IL1RAPL2: variants seen among roughly 807,000 people sequenced by gnomAD.
IL1RAPL2 encodes interleukin 1 receptor accessory protein like 2.
A neutral mutation model predicts 44.1 loss-of-function variants in IL1RAPL2; 3 were observed. That is an observed-to-expected ratio of 0.07 (90% CI 0.03 to 0.18). The LOEUF is 0.18. IL1RAPL2 is among the 10% of genes least tolerant of loss of function. The probability of loss-of-function intolerance (pLI) is 1.00; values close to 1 mark genes in which losing one functional copy is unlikely to be tolerated. For missense variants in IL1RAPL2, 391 were observed against 496.4 expected, an observed-to-expected ratio of 0.79 and a Z score of 2.02; for synonymous variants, 181 against 178.8, an observed-to-expected ratio of 1.01 and a Z score of -0.10.
intron 1 of IL1RAPL2, among the ~76,000 whole-genome samples, chrX:104,605,824 T>C (rs1475207791): frequency 8.9e-6 from 1 of 111,791 alleles, no homozygotes; most frequent in Admixed American, 9.5e-5. Flanking sequence ...GAGGCAGCAA[T>C]TAATAGCCTA....
intron 2 of IL1RAPL2, among the ~76,000 whole-genome samples, chrX:104,727,250 A>C (rs1042335598): frequency 1.8e-5 from 2 of 111,209 alleles, no homozygotes; most frequent in African/African-American, 6.5e-5. Context: ...TAACAACAAC[A>C]AAAACAGCCC....
chrX:105,651,035 C>T lies in IL1RAPL2; in HGVS notation c.773-66332C>T, dbSNP rs183030170. Among the ~76,000 whole-genome samples, 7 of 111,786 alleles carry T rather than the reference C, an allele frequency of 6.3e-5. No individual in the cohort carries two copies. The Admixed American group carries it at 6.6e-4, about 11-fold the overall frequency. On this transcript the variant is annotated intron_variant, in intron 6 of 10. Transcript: ENST00000372582. ...ATATTCTTGGCCTTAGGAACCTAGG[C>T]GGATATATGCTCTTTTTTAAAACAG...
intron 2 of IL1RAPL2, among the ~76,000 whole-genome samples, chrX:105,082,052 A>G (rs2032415994): frequency 8.9e-6 from 1 of 111,852 alleles, no homozygotes; most frequent in Non-Finnish European, 1.9e-5. Context: ...AAGAAATGGT[A>G]CCAGCTCCTC....
In IL1RAPL2 at chrX:104,691,722, C is replaced by CGAGAGTTG. The variant is rs1308618703; in HGVS notation, c.82+32728_82+32735dup. Among the ~76,000 whole-genome samples, 6 of 111,747 alleles carry CGAGAGTTG rather than the reference C, an allele frequency of 5.4e-5. No homozygotes were observed. The East Asian group carries it at 1.7e-3, about 31-fold the overall frequency. On this transcript the variant is annotated intron_variant, in intron 2 of 10. Transcript: ENST00000372582. ...TCTAGAAAGGAATTAGTTTTGCCAG[C>CGAGAGTTG]GAGAGTTGAAACAAGGACGCTACTG...
intron 4 of IL1RAPL2, among the ~76,000 whole-genome samples, chrX:105,236,319 G>T (rs782257453): frequency 3.6e-5 from 4 of 112,245 alleles, no homozygotes; most frequent in Admixed American, 9.5e-5. Flanking sequence ...ACCAACAATG[G>T]TGAAGCAACA....
chrX:104,999,214 T>C (rs938126343), intron 2 of IL1RAPL2, among the ~76,000 whole-genome samples: 2 of 111,530 alleles, frequency 1.8e-5, no homozygotes, highest in Non-Finnish European at 3.8e-5. Context: ...AGCTCTTTAA[T>C]TGGAACAGGG....
At chrX:105,341,885 A>T (rs1164375202) in intron 5 of IL1RAPL2, among the ~76,000 whole-genome samples, 2 of 110,565 alleles carry the variant, frequency 1.8e-5, no homozygotes, top group Non-Finnish European at 3.8e-5. Context: ...GAGCGGAAAG[A>T]TCTCACCACT....
chrX:104,676,862 G>A (rs372052238), intron 2 of IL1RAPL2, among the ~76,000 whole-genome samples: 35 of 110,810 alleles, frequency 3.2e-4, no homozygotes, highest in African/African-American at 8.2e-4. Context: ...ATCTTCCATC[G>A]CTGATACCCT....
intron 6 of IL1RAPL2, among the ~76,000 whole-genome samples, chrX:105,566,023 T>G (rs1156800329): frequency 9.0e-6 from 1 of 111,142 alleles, no homozygotes; most frequent in Admixed American, 9.6e-5. Flanking sequence ...CTAACTTGGC[T>G]TATAGTGATT....
At chrX:105,128,203 A>G (rs141475866) in intron 2 of IL1RAPL2, among the ~76,000 whole-genome samples, 20 of 110,090 alleles carry the variant, frequency 1.8e-4, no homozygotes, top group African/African-American at 6.6e-4. Context: ...TTGCTGAAAT[A>G]TCTCCTCTTT....
At chrX:105,039,015 A>G (rs1434095657) in intron 2 of IL1RAPL2, among the ~76,000 whole-genome samples, 1 of 111,659 alleles carries the variant, frequency 9.0e-6, no homozygotes, top group East Asian at 2.8e-4. Context: ...TCAAGGAAAA[A>G]TGACATATTT....
chrX:104,773,977 T>C (rs1932680426), intron 2 of IL1RAPL2, among the ~76,000 whole-genome samples: 1 of 112,166 alleles, frequency 8.9e-6, no homozygotes, highest in South Asian at 3.7e-4. Context: ...GCCAAATCTT[T>C]CAACATGGAA....
At chrX:104,728,039 G>A (rs1015675341) in intron 2 of IL1RAPL2, among the ~76,000 whole-genome samples, 3 of 110,143 alleles carry the variant, frequency 2.7e-5, no homozygotes, top group African/African-American at 9.9e-5. Flanking sequence ...TAACAGCCCT[G>A]ACTTCACCAC....
chrX:105,167,057 A>G (rs767213929), intron 2 of IL1RAPL2, among the ~76,000 whole-genome samples: 1 of 112,138 alleles, frequency 8.9e-6, no homozygotes, highest in Non-Finnish European at 1.9e-5. Context: ...GTGGGATTTG[A>G]TCTTGCCCTT....
At chrX:105,508,251 G>A (rs1383682429) in intron 6 of IL1RAPL2, among the ~76,000 whole-genome samples, 1 of 110,549 alleles carries the variant, frequency 9.0e-6, no homozygotes, top group Non-Finnish European at 1.9e-5. Context: ...TAGGCCCATG[G>A]GTTAGATTCC....
At position 105,630,823 on chromosome X, in the gene IL1RAPL2, T is replaced by G. The variant is rs1251746604; in HGVS notation, c.773-86544T>G. ...CATTTTATTATCCTATTTATTCACTTCTGTTCAAGTCAGAGGCCCTACTTC... is the reference window on the plus strand; with the variant it reads ...CATTTTATTATCCTATTTATTCACTGCTGTTCAAGTCAGAGGCCCTACTTC... On this transcript the variant is annotated intron_variant, in intron 6 of 10. Coordinates refer to ENST00000372582, the MANE Select transcript of IL1RAPL2 (RefSeq NM_017416.2). Among the ~76,000 whole-genome samples the G allele has an allele frequency of 2.7e-5, 3 of 111,211 alleles. No homozygotes were observed. In the Admixed American group the frequency reaches 2.9e-4, roughly 11 times the overall value.
intron 2 of IL1RAPL2, among the ~76,000 whole-genome samples, chrX:104,676,573 G>A (rs1014407842): frequency 9.0e-6 from 1 of 111,353 alleles, no homozygotes; most frequent in African/African-American, 3.3e-5. Flanking sequence ...TGACAATTAT[G>A]TGTCTTGGAG....
chrX:105,289,163 A>G (rs2034593860), intron 5 of IL1RAPL2, among the ~76,000 whole-genome samples: 1 of 111,231 alleles, frequency 9.0e-6, no homozygotes, highest in Non-Finnish European at 1.9e-5. Context: ...CAGAGTTCAG[A>G]CTTTAAGGAA....
chrX:105,027,753 A>G (rs1023106109), intron 2 of IL1RAPL2, among the ~76,000 whole-genome samples: 111 of 111,475 alleles, frequency 1.0e-3, no homozygotes, highest in African/African-American at 3.5e-3. Context: ...TATAACCACT[A>G]TGAAGAACAG....
Sources: allele counts gnomAD v4.1 joint callset (sites outside exome capture counted in the v4.1 genomes callset), GRCh38; gene constraint gnomAD v4.1.1; transcripts MANE v1.5; gene names NCBI Gene and HGNC (gene_info 2026-07-23, HGNC 2026-07-21).